Variants in BSN observed in about 807,000 individuals in gnomAD.
BSN encodes bassoon presynaptic cytomatrix protein, also known as protein bassoon.
Under a neutral mutation model 264.8 loss-of-function variants are expected in BSN, and 57 were observed. The ratio of observed to expected loss-of-function variants is 0.22; its 90% confidence interval spans 0.17 to 0.27. The LOEUF is 0.27. Ranked by LOEUF, BSN falls within the 10% of genes least tolerant of loss-of-function variation. The pLI, the probability that BSN is intolerant of heterozygous loss-of-function variation, is 1.00. For missense variants in BSN, 4,615 were observed against 5,232.5 expected, an observed-to-expected ratio of 0.88 and a Z score of 3.64; for synonymous variants, 2,059 against 2,137.3, an observed-to-expected ratio of 0.96 and a Z score of 1.01.
At chr3:49,610,199 C>T (rs1428438090) in intron 1 of BSN, among the ~76,000 whole-genome samples, 2 of 152,166 alleles carry the variant, frequency 1.3e-5, no homozygotes, top group Non-Finnish European at 2.9e-5. Context: ...CACACATGCA[C>T]GTTCAAGTTC....
intron 1 of BSN, among the ~76,000 whole-genome samples, chr3:49,600,597 G>C (rs2052066285): frequency 6.6e-6 from 1 of 152,064 alleles, no homozygotes; most frequent in African/African-American, 2.4e-5. Flanking sequence ...TTTGGGACCA[G>C]CATAGGCAAC....
At chr3:49,597,098 A>G (rs1476703193) in intron 1 of BSN, among the ~76,000 whole-genome samples, 1 of 152,062 alleles carries the variant, frequency 6.6e-6, no homozygotes, top group Non-Finnish European at 1.5e-5. Flanking sequence ...TGATTTCTTC[A>G]AACATTTTTT....
At chr3:49,635,550 A>G (rs2052414761) in intron 2 of BSN, among the ~76,000 whole-genome samples, 1 of 152,190 alleles carries the variant, frequency 6.6e-6, no homozygotes, top group Non-Finnish European at 1.5e-5. Context: ...TGTACAAGGA[A>G]CACCCACAAA....
intron 1 of BSN, among the ~76,000 whole-genome samples, chr3:49,571,967 T>G (rs778167647): frequency 1.3e-5 from 2 of 152,188 alleles, no homozygotes; most frequent in Admixed American, 1.3e-4. Flanking sequence ...TTGAGAATAT[T>G]GTTTCTTTGT....
Position 49,642,031 on chromosome 3 carries a change from G to T in BSN, c.634-237G>T, listed in dbSNP as rs1364427804. Reference sequence around the variant, plus strand: ...GGCAGGCAGTGAGTTGGTGGTTGGGGTGGGGTGGGGGATGGGACTGCCTCC... The same window carrying T: ...GGCAGGCAGTGAGTTGGTGGTTGGGTTGGGGTGGGGGATGGGACTGCCTCC... On this transcript the variant is annotated intron_variant, in intron 2 of 11. Coordinates refer to ENST00000296452, the MANE Select transcript of BSN (RefSeq NM_003458.4). This position sits in a 1 kb window ranked among gnomAD's most constrained non-coding sequence, Gnocchi z 7.0. Among the ~76,000 whole-genome samples the T allele has an allele frequency of 6.6e-6, 1 of 151,494 alleles. No homozygotes were observed. The highest frequency in any genetic ancestry group is 1.5e-5 in the Non-Finnish European group (1 of 67,890).
intron 1 of BSN, among the ~76,000 whole-genome samples, chr3:49,568,432 C>G (rs1342090668): frequency 2.0e-5 from 3 of 152,124 alleles, no homozygotes; most frequent in Non-Finnish European, 4.4e-5. Flanking sequence ...ATCTTGTTCC[C>G]TCTACTTTAT....
Position 49,662,423 on chromosome 3 carries a change from T to A in BSN, c.10578T>A (p.Asp3526Glu). Residue 3526 changes from aspartate (D) to glutamate (E), a missense_variant, in exon 6 of 12, where the codon GAT becomes GAA. Coordinates refer to ENST00000296452, the MANE Select transcript of BSN (RefSeq NM_003458.4). ...PAGGPLPPGG[D>E]TCPQFCSSHS... Reference sequence around the variant, plus strand: ...GAGGGCCCCTCCCTCCCGGCGGGGATACCTGCCCACAGTTCTGCTCCAGCC... The same window carrying A: ...GAGGGCCCCTCCCTCCCGGCGGGGAAACCTGCCCACAGTTCTGCTCCAGCC... The A allele has an allele frequency of 6.2e-7, 1 of 1,613,434 alleles. No individual in the cohort carries two copies. Among genetic ancestry groups the A allele is most frequent in the Non-Finnish European group, 8.5e-7 (1 of 1,179,998 alleles).
intron 1 of BSN, among the ~76,000 whole-genome samples, chr3:49,611,427 G>A (rs1371216018): frequency 6.6e-6 from 1 of 152,184 alleles, no homozygotes; most frequent in East Asian, 1.9e-4. Context: ...CCTAATGCAG[G>A]TGTCTATAAG....
Position 49,656,409 on chromosome 3 carries a change from CCTG to C in BSN, c.6861_6863del (p.Ala2288del), listed in dbSNP as rs1266895543. The C allele has an allele frequency of 1.3e-6, 2 of 1,589,430 alleles. No individual in the cohort carries two copies. The highest frequency in any genetic ancestry group is 1.7e-6 in the Non-Finnish European group (2 of 1,167,418). Reference sequence around the variant, plus strand: ...AGAAGGGCCTGTCTATCTGGGGAAACCTGCTGCTGCCAAGGCCCCTGGGGCTGG... The same window carrying C: ...AGAAGGGCCTGTCTATCTGGGGAAACCTGCTGCCAAGGCCCCTGGGGCTGG... On this transcript the variant is annotated inframe_deletion, in exon 5 of 12. Coordinates refer to ENST00000296452, the MANE Select transcript of BSN (RefSeq NM_003458.4).
rs535587840 is a variant in BSN, at chr3:49,614,023, C to G, written c.225-10952C>G. Among the ~76,000 whole-genome samples the G allele has an allele frequency of 1.3e-4, 19 of 150,692 alleles. 1 individual carries two copies. In the South Asian group the frequency reaches 4.0e-3, roughly 32 times the overall value. On this transcript the variant is annotated intron_variant, in intron 1 of 11. Coordinates refer to ENST00000296452, the MANE Select transcript of BSN (RefSeq NM_003458.4). ...CCGTCATTCACACAGTGCTTGTCACCGGCACCATGGTGCAAGAGACATTCA... is the reference window on the plus strand; with the variant it reads ...CCGTCATTCACACAGTGCTTGTCACGGGCACCATGGTGCAAGAGACATTCA...
At chr3:49,672,781 C>CTT (rs757536435), downstream of BSN, among the ~76,000 whole-genome samples, 15 of 106,988 alleles carry the variant, frequency 1.4e-4, no homozygotes, top group South Asian at 6.2e-4. Flanking sequence ...GCGCCTGGCA[C>CTT]TTTTTTTTTT....
chr3:49,598,873 AAAG>A (rs1189538467), intron 1 of BSN, among the ~76,000 whole-genome samples: 1 of 152,244 alleles, frequency 6.6e-6, no homozygotes, highest in African/African-American at 2.4e-5. Flanking sequence ...ATAGATTAGA[AAAG>A]AAGAAATAAA....
At chr3:49,597,218 G>C (rs2052030404) in intron 1 of BSN, among the ~76,000 whole-genome samples, 1 of 151,588 alleles carries the variant, frequency 6.6e-6, no homozygotes. Context: ...TTTTCTCTCT[G>C]TTCTTCAGAT....
intron 3 of BSN, among the ~76,000 whole-genome samples, chr3:49,648,412 G>A (rs1421710170): frequency 1.3e-5 from 2 of 152,238 alleles, no homozygotes; most frequent in African/African-American, 4.8e-5. Context: ...CCATCATGCT[G>A]ACCATAGGGC....
intron 3 of BSN, among the ~76,000 whole-genome samples, chr3:49,647,977 A>G (rs569715972): frequency 1.3e-5 from 2 of 152,356 alleles, no homozygotes; most frequent in South Asian, 2.1e-4. Context: ...CTCACTGCCT[A>G]CTATAGCAGA....
chr3:49,602,009 A>G (rs1196185078), intron 1 of BSN, among the ~76,000 whole-genome samples: 1 of 152,052 alleles, frequency 6.6e-6, no homozygotes, highest in Non-Finnish European at 1.5e-5. Context: ...GCCCTAGTAG[A>G]GATGTGGGAA....
rs182312851 is a variant in BSN, at chr3:49,662,877, G to A, written c.10719G>A (p.Ala3573=). The change falls in exon 7 of 12, where the codon GCG becomes GCA. Residue 3573 remains alanine (A), a splice_region_variant and synonymous_variant. Transcript: ENST00000296452. ...GTATTCTGTTTTTGGTCTCTGAAGC[G>A]TATCACCTGGGCCAGGAGGAGACGG... The part of the protein sequence containing the change: ...DSHCVVSDSE[A]YHLGQEETDW... 266 of 1,564,984 alleles carry A rather than the reference G, an allele frequency of 1.7e-4. 1 individual carries two copies. In the Middle Eastern group the frequency reaches 2.9e-3, roughly 17 times the overall value.
chr3:49,605,146 G>C (rs2108036172), intron 1 of BSN, among the ~76,000 whole-genome samples: 1 of 147,676 alleles, frequency 6.8e-6, no homozygotes, highest in South Asian at 2.1e-4. Context: ...TGTAATCATA[G>C]CTACTTGGGA....
At position 49,652,832 on chromosome 3, in the gene BSN, A is replaced by G. The variant is rs1229040058; in HGVS notation, c.3276A>G (p.Thr1092=). 6.3e-7 allele frequency: 1 copy of G among 1,588,588 alleles called. No homozygotes were observed. Among genetic ancestry groups the G allele is most frequent in the Non-Finnish European group, 8.6e-7 (1 of 1,166,728 alleles). ...RAQRRRERSK[T]PPSNLSPIED... The stretch of plus-strand genomic sequence containing the variant: ...AGCGGAGGCGAGAGCGCTCCAAGAC[A>G]CCACCCAGTAACTTGTCACCCATCG... Residue 1092 remains threonine, a synonymous_variant, in exon 5 of 12, where the codon ACA becomes ACG. Coordinates refer to ENST00000296452, the MANE Select transcript of BSN (RefSeq NM_003458.4).
Sources: allele counts gnomAD v4.1 joint callset (sites outside exome capture counted in the v4.1 genomes callset), GRCh38; gene constraint gnomAD v4.1.1; non-coding constraint Gnocchi (gnomAD v3.1); transcripts MANE v1.5; gene names NCBI Gene and HGNC (gene_info 2026-07-23, HGNC 2026-07-21).